PRTG: variants seen among roughly 807,000 people sequenced by gnomAD.
PRTG encodes immunoglobulin superfamily, DCC subclass, member 5.
A neutral mutation model predicts 122.5 loss-of-function variants in PRTG; 67 were observed. The ratio of observed to expected loss-of-function variants is 0.55; its 90% CI spans 0.45 to 0.67. The LOEUF is 0.67. PRTG is among the 30% of genes least tolerant of loss of function. The probability of loss-of-function intolerance (pLI) is 0.00; values close to 1 mark genes in which losing one functional copy is unlikely to be tolerated. For missense variants in PRTG, 1,435 were observed against 1,415.4 expected (o/e 1.01, Z -0.22); for synonymous variants, 554 against 501.1 (o/e 1.11, Z -1.41).
At chr15:55,656,397 CTTTAA>C (rs777843362) in intron 11 of PRTG, 1 of 449,070 alleles carries the variant, frequency 2.2e-6, no homozygotes. Context: ...TAAATTATGA[CTTTAA>C]TTTAGGGTAC....
chr15:55,730,110 C>CA (rs1466725754), intron 2 of PRTG, among the ~76,000 whole-genome samples: 1 of 151,432 alleles, frequency 6.6e-6, no homozygotes, highest in Admixed American at 6.6e-5. Context: ...AGCGTTGTTA[C>CA]TTTTTTTTTG....
At position 55,679,190 on chromosome 15, in the gene PRTG, T is replaced by C. The variant is rs980818770; in HGVS notation, c.1133+96A>G. ...TTCATTTTGTTAATAACTATCAAGA[T>C]AATTTAGGTATTTGATATTATTATA... is the stretch of plus-strand genomic sequence containing the variant. On this transcript the variant is annotated intron_variant, in intron 7 of 19. Transcript: ENST00000389286. The C allele has an allele frequency of 1.2e-4, 90 of 745,920 alleles. No homozygotes were observed. The Middle Eastern group carries it at 2.8e-3, about 23-fold the overall frequency. The allele number at this position is 745,920 out of a possible 1,614,324, so 46.2% of individuals were successfully genotyped here.
rs1403734437 is a variant in PRTG, at chr15:55,641,191, G to C, written c.2059C>G (p.His687Asp). ...LSGLDPRRKY[H>D]VRLLAYNNID... is the part of the protein sequence containing the mutation. The stretch of plus-strand genomic sequence containing the variant: ...TTGTTGTAAGCCAGGAGTCTCACAT[G>C]ATATTTTCTTCTGGGGTCTATAAAG... Residue 687 changes from histidine (H) to aspartate (D), a missense_variant, in exon 12 of 20, where the codon CAT (histidine) becomes GAT (aspartate). Physicochemically the swap from His to Asp is moderately conservative, Grantham distance 81. Coordinates refer to ENST00000389286, the MANE Select transcript of PRTG (RefSeq NM_173814.6). 1 of 1,613,022 alleles carries C rather than the reference G, an allele frequency of 6.2e-7. No individual in the cohort carries two copies. Among genetic ancestry groups the C allele is most frequent in the African/African-American group, 1.3e-5 (1 of 74,994 alleles).
chr15:55,722,526 A>G (rs1439496004), intron 2 of PRTG, among the ~76,000 whole-genome samples: 1 of 152,246 alleles, frequency 6.6e-6, no homozygotes, highest in Non-Finnish European at 1.5e-5. Context: ...AGGGAATATC[A>G]GCCAAGGGCC....
chr15:55,679,718 C>T (rs906767227), intron 6 of PRTG: 5 of 423,068 alleles, frequency 1.2e-5, no homozygotes, highest in Non-Finnish European at 2.1e-5. Flanking sequence ...CAATATATAG[C>T]CACATGCGAA....
At chr15:55,732,580 C>T (rs1321241550) in intron 2 of PRTG, among the ~76,000 whole-genome samples, 5 of 151,288 alleles carry the variant, frequency 3.3e-5, no homozygotes, top group South Asian at 2.1e-4. Context: ...CTGCAACCTC[C>T]GCCTCCTGGC....
At chr15:55,674,751 T>C (rs2141800723) in intron 9 of PRTG, among the ~76,000 whole-genome samples, 1 of 152,272 alleles carries the variant, frequency 6.6e-6, no homozygotes, top group Middle Eastern at 3.4e-3. Flanking sequence ...TAAGAGCAGA[T>C]CATTGCTTGA....
chr15:55,637,978 G>A (rs1448092272), intron 14 of PRTG, among the ~76,000 whole-genome samples: 1 of 152,114 alleles, frequency 6.6e-6, no homozygotes, highest in Non-Finnish European at 1.5e-5. Flanking sequence ...TGTCATAAAT[G>A]TCCCTTACTT....
At chr15:55,643,274 A>G (rs1012611051) in intron 11 of PRTG, among the ~76,000 whole-genome samples, 1 of 152,180 alleles carries the variant, frequency 6.6e-6, no homozygotes, top group African/African-American at 2.4e-5. Context: ...TGAGACTTAG[A>G]AAACTTCTAA....
intron 2 of PRTG, among the ~76,000 whole-genome samples, chr15:55,699,167 G>C (rs2059648468): frequency 6.6e-6 from 1 of 152,054 alleles, no homozygotes; most frequent in African/African-American, 2.4e-5. Context: ...ACCCAACTTG[G>C]ATGATCTTAA....
intron 11 of PRTG, among the ~76,000 whole-genome samples, chr15:55,669,278 T>C (rs938653479): frequency 7.9e-5 from 12 of 152,104 alleles, no homozygotes; most frequent in Non-Finnish European, 1.6e-4. Flanking sequence ...ACAGAAGCAT[T>C]TAAATTTTAT....
rs369121044 is a variant in PRTG at position 55,638,578 on chromosome 15, G to T, written c.2423C>A (p.Pro808His). ...TGGAAGAGTAGAATGGTAGACTACA[G>T]GGCTCCAAGGACTGGAAAGCTGATC... The part of the protein sequence containing the change: ...HVDQLSSPWS[P>H]VVYHSTLPEA... The change falls in exon 14 of 20, where the codon CCT (proline) becomes CAT (histidine). Residue 808 changes from proline (P) to histidine (H), a missense_variant. Physicochemically the swap from Pro to His is moderately conservative, Grantham distance 77. Transcript: ENST00000389286. 23 of 1,613,014 alleles carry T rather than the reference G, an allele frequency of 1.4e-5. No individual in the cohort carries two copies. In the African/African-American group the frequency reaches 3.1e-4, roughly 22 times the overall value.
At chr15:55,742,051 T>C (rs940486159) in intron 1 of PRTG, 1 of 152,144 alleles carries the variant, frequency 6.6e-6, no homozygotes, top group African/African-American at 2.4e-5. Flanking sequence ...GAAAAACGAG[T>C]TCATCCAAGT....
chr15:55,656,583 C>A (rs2059381444), intron 11 of PRTG, among the ~76,000 whole-genome samples: 1 of 152,212 alleles, frequency 6.6e-6, no homozygotes. Context: ...TCTCAGCTCA[C>A]AGCAAGCTCT....
chr15:55,742,319 T>C (rs1261149899), intron 1 of PRTG: 2 of 152,656 alleles, frequency 1.3e-5, no homozygotes, highest in Admixed American at 6.5e-5. Flanking sequence ...AGTTCACCTA[T>C]TCCCTCTCGC....
At chr15:55,644,826 A>C (rs1173575444) in intron 11 of PRTG, among the ~76,000 whole-genome samples, 1 of 152,182 alleles carries the variant, frequency 6.6e-6, no homozygotes, top group Non-Finnish European at 1.5e-5. Flanking sequence ...TAGAAAAAAG[A>C]TTATAGGACA....
At chr15:55,678,104 T>C in intron 7 of PRTG, 60 bp from the exon 8 acceptor site, 1 of 1,081,922 alleles carries the variant, frequency 9.2e-7, no homozygotes, top group South Asian at 1.5e-5. Flanking sequence ...CAAAATAAAG[T>C]TTAGCTATTG....
At chr15:55,716,918 A>T (rs1233044299) in intron 2 of PRTG, among the ~76,000 whole-genome samples, 1 of 152,234 alleles carries the variant, frequency 6.6e-6, no homozygotes, top group Non-Finnish European at 1.5e-5. Context: ...GCCATTATCA[A>T]ATTAAAAAAG....
chr15:55,625,679 A>C (rs984831828), intron 17 of PRTG, among the ~76,000 whole-genome samples: 13 of 146,962 alleles, frequency 8.8e-5, no homozygotes, highest in Non-Finnish European at 1.8e-4. Flanking sequence ...GCTGGAGTGC[A>C]GTGGCACGAT....
Sources: gnomAD v4.1 joint callset for allele counts (sites outside exome capture counted in the v4.1 genomes callset) on GRCh38, gnomAD v4.1.1 for gene constraint, MANE v1.5 for transcripts, NCBI Gene and HGNC (gene_info 2026-07-23, HGNC 2026-07-21) for gene names.